Variants in BRINP3 observed in about 807,000 individuals in gnomAD.
BRINP3 encodes BMP/retinoic acid-inducible neural-specific protein 3.
Under a neutral mutation model 71.0 loss-of-function variants are expected in BRINP3, and 19 were observed. That is an observed-to-expected ratio of 0.27 (90% CI 0.19 to 0.39). The LOEUF (loss-of-function observed/expected upper bound fraction) is 0.39. BRINP3 is among the 10% of genes least tolerant of loss of function. BRINP3 has a pLI of 1.00. For missense variants in BRINP3, 959 were observed against 940.8 expected (o/e 1.02, Z -0.25); for synonymous variants, 380 against 337.7 (o/e 1.13, Z -1.37).
chr1:190,109,432 C>G (rs1033161396), intron 7 of BRINP3, among the ~76,000 whole-genome samples: 2 of 152,132 alleles, frequency 1.3e-5, no homozygotes, highest in Non-Finnish European at 2.9e-5. Flanking sequence ...GTATTCAGAG[C>G]CATCAACCTA....
intron 2 of BRINP3, among the ~76,000 whole-genome samples, chr1:190,454,405 C>T (rs1299991843): frequency 6.6e-6 from 1 of 152,126 alleles, no homozygotes; most frequent in Non-Finnish European, 1.5e-5. Flanking sequence ...TTGCCATTTA[C>T]TTTAAGGCAG....
At chr1:190,144,366 G>T (rs1011761244) in intron 7 of BRINP3, among the ~76,000 whole-genome samples, 1 of 151,868 alleles carries the variant, frequency 6.6e-6, no homozygotes, top group Non-Finnish European at 1.5e-5. Flanking sequence ...TTAGGGCAGG[G>T]GAATTCATGA....
At chr1:190,296,589 TAAATA>T (rs1220082502) in intron 2 of BRINP3, among the ~76,000 whole-genome samples, 1 of 151,824 alleles carries the variant, frequency 6.6e-6, no homozygotes, top group Non-Finnish European at 1.5e-5. Context: ...GCAAGAAAAA[TAAATA>T]AAATACATCC....
intron 2 of BRINP3, among the ~76,000 whole-genome samples, chr1:190,416,880 T>G (rs1285068183): frequency 2.6e-5 from 4 of 152,120 alleles, no homozygotes; most frequent in Admixed American, 2.6e-4. Context: ...AGGAAATACC[T>G]CAGTAAGTAG....
At chr1:190,380,256 A>G (rs968211602) in intron 2 of BRINP3, among the ~76,000 whole-genome samples, 11 of 152,092 alleles carry the variant, frequency 7.2e-5, no homozygotes, top group African/African-American at 2.7e-4. Flanking sequence ...AATGTGGTTA[A>G]TGAGGGAAAG....
intron 6 of BRINP3, among the ~76,000 whole-genome samples, chr1:190,192,044 T>C (rs1273770392): frequency 2.0e-5 from 3 of 152,186 alleles, no homozygotes; most frequent in African/African-American, 7.2e-5. Context: ...ATTATTTCAC[T>C]AATTTAGCTA....
intron 2 of BRINP3, among the ~76,000 whole-genome samples, chr1:190,415,218 G>A (rs1395868725): frequency 6.6e-6 from 1 of 152,046 alleles, no homozygotes; most frequent in Non-Finnish European, 1.5e-5. Flanking sequence ...AGTTTGTTAA[G>A]TAAATAAAGT....
chr1:190,206,602 C>T (rs1322269019), intron 6 of BRINP3, among the ~76,000 whole-genome samples: 1 of 151,922 alleles, frequency 6.6e-6, no homozygotes, highest in African/African-American at 2.4e-5. Context: ...GAGATTCTTG[C>T]CAGAAAGTTA....
At chr1:190,399,027 T>G (rs1477236623) in intron 2 of BRINP3, among the ~76,000 whole-genome samples, 1 of 152,044 alleles carries the variant, frequency 6.6e-6, no homozygotes, top group Non-Finnish European at 1.5e-5. Context: ...TTTATGTGTT[T>G]GCTCCAGAGA....
At chr1:190,240,296 A>G (rs1288291416) in intron 4 of BRINP3, among the ~76,000 whole-genome samples, 1 of 152,072 alleles carries the variant, frequency 6.6e-6, no homozygotes, top group Non-Finnish European at 1.5e-5. Context: ...TCCTTTGCCT[A>G]TAGAAATGCT....
chr1:190,436,769 T>G (rs1178717287), intron 2 of BRINP3, among the ~76,000 whole-genome samples: 1 of 151,680 alleles, frequency 6.6e-6, no homozygotes, highest in Non-Finnish European at 1.5e-5. Context: ...TAGCTGAAAA[T>G]AAGCAGATAA....
At chr1:190,106,267 T>C (rs554674133) in intron 7 of BRINP3, among the ~76,000 whole-genome samples, 1 of 151,842 alleles carries the variant, frequency 6.6e-6, no homozygotes, top group South Asian at 2.1e-4. Context: ...TACATACACA[T>C]ATATATAATG....
At chr1:190,465,977 C>T (rs1676719380) in intron 1 of BRINP3, among the ~76,000 whole-genome samples, 2 of 151,762 alleles carry the variant, frequency 1.3e-5, no homozygotes, top group African/African-American at 2.4e-5. Context: ...ATGATTTTGC[C>T]TTTCCTGGCA....
chr1:190,419,141 TA>T, intron 2 of BRINP3, among the ~76,000 whole-genome samples: 1 of 152,046 alleles, frequency 6.6e-6, no homozygotes, highest in East Asian at 1.9e-4. Flanking sequence ...CTTCCAATAT[TA>T]GAAAATTCTG....
At chr1:190,157,314 G>A (rs1656956741) in intron 7 of BRINP3, among the ~76,000 whole-genome samples, 1 of 151,966 alleles carries the variant, frequency 6.6e-6, no homozygotes, top group African/African-American at 2.4e-5. Flanking sequence ...TTGATTGGGA[G>A]AAATCTGCAT....
At chr1:190,372,843 T>C (rs536461239) in intron 2 of BRINP3, among the ~76,000 whole-genome samples, 1 of 152,296 alleles carries the variant, frequency 6.6e-6, no homozygotes, top group South Asian at 2.1e-4. Context: ...TGGACAAAAG[T>C]AACAAATGTT....
At chr1:190,447,123 G>A (rs1328960975) in intron 2 of BRINP3, among the ~76,000 whole-genome samples, 2 of 151,578 alleles carry the variant, frequency 1.3e-5, no homozygotes, top group African/African-American at 2.4e-5. Flanking sequence ...GTTTTTATTT[G>A]TGAATATGTA....
intron 2 of BRINP3, among the ~76,000 whole-genome samples, chr1:190,415,926 T>A (rs1571994433): frequency 6.6e-6 from 1 of 152,154 alleles, no homozygotes; most frequent in Admixed American, 6.5e-5. Flanking sequence ...TATACATACA[T>A]ATATTTGCAT....
chr1:190,305,606 G>T (rs1665040805), intron 2 of BRINP3, among the ~76,000 whole-genome samples: 1 of 151,530 alleles, frequency 6.6e-6, no homozygotes, highest in Non-Finnish European at 1.5e-5. Flanking sequence ...GGAGATGGGG[G>T]TAAACTGGTC....
Sources: allele counts gnomAD v4.1 joint callset (sites outside exome capture counted in the v4.1 genomes callset), GRCh38; gene constraint gnomAD v4.1.1; transcripts MANE v1.5; gene names NCBI Gene and HGNC (gene_info 2026-07-23, HGNC 2026-07-21).